Variants in RYR2 observed in about 807,000 individuals in gnomAD.
RYR2 encodes the protein cardiac muscle ryanodine receptor-calcium release channel.
Under a neutral mutation model 601.1 loss-of-function variants are expected in RYR2, and 227 were observed. The ratio of observed to expected loss-of-function variants is 0.38; its 90% CI spans 0.34 to 0.42. The LOEUF is 0.42. Ranked by LOEUF, RYR2 falls within the 10% of genes least tolerant of loss-of-function variation. RYR2 has a pLI of 1.00. For missense variants in RYR2, 4,646 were observed against 6,156.5 expected, an observed-to-expected ratio of 0.75 and a Z score of 8.21; for synonymous variants, 2,223 against 2,175.1, an observed-to-expected ratio of 1.02 and a Z score of -0.61.
chr1:237,601,724 T>TA (rs1376305721), intron 34 of RYR2, among the ~76,000 whole-genome samples: 1 of 152,286 alleles, frequency 6.6e-6, no homozygotes, highest in East Asian at 1.9e-4. Context: ...ATGTGTCAAT[T>TA]AAAAAACAGT....
At chr1:237,534,649 TATC>T (rs1374370383) in intron 25 of RYR2, among the ~76,000 whole-genome samples, 4 of 152,048 alleles carry the variant, frequency 2.6e-5, no homozygotes, top group Non-Finnish European at 4.4e-5. Context: ...GGATCAAGCA[TATC>T]ATCTGGAAAA....
chr1:237,655,717 G>C, intron 52 of RYR2, 104 bp from the exon 53 acceptor site: 1 of 1,038,270 alleles, frequency 9.6e-7, no homozygotes, highest in Non-Finnish European at 1.4e-6. Context: ...AGTTAGTCCA[G>C]GGTAATTCAG....
chr1:237,064,278 A>G (rs762892242), intron 1 of RYR2, among the ~76,000 whole-genome samples: 1 of 152,162 alleles, frequency 6.6e-6, no homozygotes, highest in Non-Finnish European at 1.5e-5. Flanking sequence ...TGGTAAGTCC[A>G]TCTACTGAAT....
chr1:237,309,417 C>A lies in RYR2; in HGVS notation c.169-21461C>A, dbSNP rs1694276058. ...AGCTAGACATAAAGGTTCTCCAAGT[C>A]CCCACTAGATTAGCTAGATACGGAG... On this transcript the variant is annotated intron_variant, in intron 2 of 104. Transcript: ENST00000366574. Among the ~76,000 whole-genome samples, 4 of 151,574 alleles carry A rather than the reference C, an allele frequency of 2.6e-5. No individual in the cohort carries two copies. In the South Asian group the frequency reaches 8.3e-4, roughly 31 times the overall value.
At chr1:237,095,030 T>C (rs562300236) in intron 1 of RYR2, among the ~76,000 whole-genome samples, 1 of 152,360 alleles carries the variant, frequency 6.6e-6, no homozygotes, top group South Asian at 2.1e-4. Context: ...GACTGAACTT[T>C]ATAGATGTGA....
chr1:237,155,179 C>CTT (rs11412062), intron 1 of RYR2, among the ~76,000 whole-genome samples: 58,693 of 127,556 alleles, frequency 0.46, 15,124 homozygotes, highest in Non-Finnish European at 0.55. Context: ...TTTTTCTTTT[C>CTT]TTTTTTTTTT....
chr1:237,530,631 C>T, intron 25 of RYR2, 121 bp downstream of exon 25: 1 of 795,946 alleles, frequency 1.3e-6, no homozygotes, highest in South Asian at 1.5e-5. Flanking sequence ...AGATTCAAGG[C>T]TGGGTGCGGT....
intron 3 of RYR2, among the ~76,000 whole-genome samples, chr1:237,335,050 T>G (rs1417532208): frequency 6.6e-6 from 1 of 152,206 alleles, no homozygotes; most frequent in Non-Finnish European, 1.5e-5. Context: ...GCCTTTTCTC[T>G]GGGCTTGATG....
At chr1:237,648,301 A>G in intron 48 of RYR2, 143 bp from the exon 49 acceptor site, 1 of 718,274 alleles carries the variant, frequency 1.4e-6, no homozygotes, top group Non-Finnish European at 2.1e-6. Flanking sequence ...AAACTCCCAT[A>G]ATAGCTTGAG....
chr1:237,196,594 T>G (rs1402208381), intron 1 of RYR2, among the ~76,000 whole-genome samples: 8 of 152,190 alleles, frequency 5.3e-5, no homozygotes, highest in African/African-American at 1.9e-4. Flanking sequence ...ATGTCAGCTC[T>G]GACATATATC....
At chr1:237,099,418 C>T (rs758960882) in intron 1 of RYR2, among the ~76,000 whole-genome samples, 2 of 151,964 alleles carry the variant, frequency 1.3e-5, no homozygotes, top group Non-Finnish European at 2.9e-5. Context: ...TTAAATTTTT[C>T]GTAGAGATGA....
At chr1:237,367,600 A>G (rs2149744201) in intron 5 of RYR2, among the ~76,000 whole-genome samples, 1 of 152,286 alleles carries the variant, frequency 6.6e-6, no homozygotes, top group South Asian at 2.1e-4. Context: ...GGCACAGGTC[A>G]GTATCATCAC....
chr1:237,091,500 C>T (rs1261125826), intron 1 of RYR2, among the ~76,000 whole-genome samples: 5 of 152,130 alleles, frequency 3.3e-5, no homozygotes, highest in African/African-American at 1.2e-4. Flanking sequence ...TCTTGGCTCA[C>T]TGCAACCTCC....
chr1:237,514,792 C>T (rs961457967), intron 24 of RYR2, among the ~76,000 whole-genome samples: 2 of 152,080 alleles, frequency 1.3e-5, no homozygotes, highest in Admixed American at 1.3e-4. Context: ...GAATGAGGAT[C>T]ATAATGTATT....
intron 29 of RYR2, among the ~76,000 whole-genome samples, chr1:237,584,288 G>A (rs1674260570): frequency 6.6e-6 from 1 of 152,198 alleles, no homozygotes; most frequent in African/African-American, 2.4e-5. Flanking sequence ...GCTATGGAGT[G>A]ATGATTAAGA....
At position 237,524,708 on chromosome 1, in the gene RYR2, G is replaced by A. The variant is rs112396302; in HGVS notation, c.2823-5719G>A. Among the ~76,000 whole-genome samples the A allele has an allele frequency of 1.8e-4, 27 of 150,416 alleles. 2 individuals carry two copies. The highest frequency in any genetic ancestry group is 6.5e-4 in the African/African-American group (26 of 40,066). ...ACAGGGTGTATGTATGTGTGTGTGT[G>A]TATATATACATATATATATAGACAT... On this transcript the variant is annotated intron_variant, in intron 24 of 104. Coordinates refer to ENST00000366574, the MANE Select transcript of RYR2 (RefSeq NM_001035.3).
chr1:237,562,208 T>G (rs2148206577), intron 27 of RYR2, among the ~76,000 whole-genome samples: 1 of 152,362 alleles, frequency 6.6e-6, no homozygotes, highest in South Asian at 2.1e-4. Flanking sequence ...TGGAATTTAT[T>G]CTTATTTACT....
chr1:237,598,855 A>G (rs1051931700), intron 34 of RYR2, among the ~76,000 whole-genome samples: 3 of 152,204 alleles, frequency 2.0e-5, no homozygotes, highest in African/African-American at 7.2e-5. Context: ...AATGATACGA[A>G]GAGTTGGTTT....
chr1:237,060,430 A>G (rs1019319763), intron 1 of RYR2, among the ~76,000 whole-genome samples: 1 of 152,234 alleles, frequency 6.6e-6, no homozygotes. Context: ...ATATATTAAC[A>G]TACAGATAGT....
Sources: gnomAD v4.1 joint callset for allele counts (sites outside exome capture counted in the v4.1 genomes callset) on GRCh38, gnomAD v4.1.1 for gene constraint, MANE v1.5 for transcripts, NCBI Gene and HGNC (gene_info 2026-07-23, HGNC 2026-07-21) for gene names.